UBE2E3: variants seen among roughly 807,000 people sequenced by gnomAD.
The protein encoded by UBE2E3 is ubiquitin-conjugating enzyme E2 E3.
A neutral mutation model predicts 23.6 loss-of-function variants in UBE2E3; 5 were observed. That is an observed-to-expected ratio of 0.21 (90% CI 0.11 to 0.44). UBE2E3 has a LOEUF of 0.44. Among genes scored for constraint, UBE2E3 ranks in the 20% least tolerant of loss-of-function variants. The probability of loss-of-function intolerance (pLI) is 0.99; values close to 1 mark genes in which losing one functional copy is unlikely to be tolerated. For missense variants in UBE2E3, 81 were observed against 249.8 expected (o/e 0.32, Z 4.55); for synonymous variants, 78 against 87.5 (o/e 0.89, Z 0.60).
intron 3 of UBE2E3, among the ~76,000 whole-genome samples, chr2:181,029,419 CAT>C (rs1367785138): frequency 2.0e-5 from 3 of 152,058 alleles, no homozygotes; most frequent in Non-Finnish European, 4.4e-5. Context: ...TTTTCATAAA[CAT>C]ACTGTATCAC....
At chr2:181,023,856 C>T (rs1471635479) in intron 3 of UBE2E3, among the ~76,000 whole-genome samples, 1 of 152,024 alleles carries the variant, frequency 6.6e-6, no homozygotes, top group East Asian at 1.9e-4. Flanking sequence ...AAACTGGTGC[C>T]CTCCACGTAA....
At chr2:181,014,712 A>G (rs889000803) in intron 3 of UBE2E3, among the ~76,000 whole-genome samples, 2 of 152,226 alleles carry the variant, frequency 1.3e-5, no homozygotes, top group East Asian at 3.9e-4. Context: ...CTGTTTTATT[A>G]TTTTTTAAAT....
intron 3 of UBE2E3, among the ~76,000 whole-genome samples, chr2:180,989,446 C>T (rs1254071156): frequency 6.6e-6 from 1 of 152,034 alleles, no homozygotes; most frequent in Non-Finnish European, 1.5e-5. Context: ...TATTAAATAT[C>T]CTATACATTC....
At chr2:181,057,896 A>G in intron 4 of UBE2E3, 71 bp downstream of exon 4, 3 of 1,423,494 alleles carry the variant, frequency 2.1e-6, no homozygotes, top group East Asian at 2.3e-5. Context: ...TAGAACTTAA[A>G]TGTGTATTGA....
At chr2:181,009,683 T>C (rs1219576322) in intron 3 of UBE2E3, among the ~76,000 whole-genome samples, 1 of 152,124 alleles carries the variant, frequency 6.6e-6, no homozygotes, top group Non-Finnish European at 1.5e-5. Context: ...ATTTTAGTGT[T>C]TGTTTTTCTA....
At chr2:180,981,837 C>T (rs546948609) in intron 1 of UBE2E3, among the ~76,000 whole-genome samples, 181 bp from the exon 2 acceptor site, 1 of 152,106 alleles carries the variant, frequency 6.6e-6, no homozygotes, top group South Asian at 2.1e-4. Flanking sequence ...AATCCCTTAA[C>T]GCTGGCGTTG....
chr2:181,021,582 C>CCCTT (rs1276580326), intron 3 of UBE2E3, among the ~76,000 whole-genome samples: 2 of 58,274 alleles, frequency 3.4e-5, no homozygotes, highest in African/African-American at 6.6e-5. Context: ...CTCCCTCCCT[C>CCCTT]CCTTCCTTCC....
intron 3 of UBE2E3, among the ~76,000 whole-genome samples, chr2:181,011,035 A>G (rs993957417): frequency 1.3e-5 from 2 of 151,890 alleles, no homozygotes; most frequent in Non-Finnish European, 1.5e-5. Context: ...TAAGCCCTTC[A>G]CTTAATAAAA....
At position 181,021,368 on chromosome 2, in the gene UBE2E3, GTTTTC is replaced by G. The variant is rs1190505380; in HGVS notation, c.246-36315_246-36311del. Among the ~76,000 whole-genome samples, 5 of 133,302 alleles carry G rather than the reference GTTTTC, an allele frequency of 3.8e-5. No homozygotes were observed. The South Asian group carries it at 9.7e-4, about 26-fold the overall frequency. 87.5% of individuals were successfully genotyped at this position (133,302 alleles called of 152,430 possible). Reference sequence around the variant, plus strand: ...TCTTCTTTTCTCTTCTTTTTTTTTTGTTTTCTTTTCTTTTTTTCCTCTTTTCTCTT... The same window carrying G: ...TCTTCTTTTCTCTTCTTTTTTTTTTGTTTTCTTTTTTTCCTCTTTTCTCTT... On this transcript the variant is annotated intron_variant, in intron 3 of 5. Transcript: ENST00000410062.
intron 3 of UBE2E3, among the ~76,000 whole-genome samples, chr2:181,014,426 TA>T (rs1239064621): frequency 1.3e-5 from 2 of 152,108 alleles, no homozygotes; most frequent in East Asian, 3.8e-4. Context: ...TAGGTGAGTG[TA>T]AACGGAGAGG....
At chr2:181,049,887 A>G (rs1248500674) in intron 3 of UBE2E3, among the ~76,000 whole-genome samples, 1 of 151,990 alleles carries the variant, frequency 6.6e-6, no homozygotes, top group Non-Finnish European at 1.5e-5. Flanking sequence ...AGACTATGAA[A>G]TACTACTACT....
chr2:181,062,630 T>G (rs997376857), intron 5 of UBE2E3, among the ~76,000 whole-genome samples, 161 bp from the exon 6 acceptor site: 2 of 151,730 alleles, frequency 1.3e-5, no homozygotes, highest in Middle Eastern at 3.4e-3. Context: ...TATTAAAATA[T>G]ACATATGATC....
chr2:181,018,430 A>G (rs988731712), intron 3 of UBE2E3, among the ~76,000 whole-genome samples: 42 of 151,954 alleles, frequency 2.8e-4, no homozygotes, highest in African/African-American at 9.9e-4. Flanking sequence ...ATACATATAT[A>G]TTTGGCCTAG....
intron 3 of UBE2E3, among the ~76,000 whole-genome samples, chr2:181,005,866 C>G (rs1212211482): frequency 1.3e-5 from 2 of 152,182 alleles, no homozygotes; most frequent in Non-Finnish European, 2.9e-5. Context: ...TTTCAAATGG[C>G]TTTACCAAAC....
At position 181,062,817 on chromosome 2, in the gene UBE2E3, A is replaced by G; in HGVS notation, c.553A>G (p.Thr185Ala). Residue 185 changes from threonine to alanine, a missense_variant, in exon 6 of 6, where the codon ACT (threonine) becomes GCT (alanine). Thr to Ala is a moderately conservative substitution (Grantham distance 58). Coordinates refer to ENST00000410062, the MANE Select transcript of UBE2E3 (RefSeq NM_006357.4). ...GGATCCTCTGGTTGGAAGCATAGCC[A>G]CTCAGTATTTGACCAACAGAGCAGA... ...PADPLVGSIA[T>A]QYLTNRAEHD... 4.4e-6 allele frequency: 7 copies of G among 1,606,208 alleles called. No individual in the cohort carries two copies. The highest frequency in any genetic ancestry group is 6.0e-6 in the Non-Finnish European group (7 of 1,175,224).
intron 3 of UBE2E3, among the ~76,000 whole-genome samples, chr2:181,027,051 T>G (rs1685915236): frequency 6.6e-6 from 1 of 151,952 alleles, no homozygotes; most frequent in Non-Finnish European, 1.5e-5. Flanking sequence ...GTATCTTAAC[T>G]TTATTCTAAC....
At chr2:181,017,131 T>C (rs1329312083) in intron 3 of UBE2E3, among the ~76,000 whole-genome samples, 1 of 152,220 alleles carries the variant, frequency 6.6e-6, no homozygotes, top group African/African-American at 2.4e-5. Context: ...TAGAAGGGCC[T>C]GAGACTGATA....
intron 3 of UBE2E3, among the ~76,000 whole-genome samples, chr2:181,055,772 T>G (rs1686971904): frequency 6.6e-6 from 1 of 151,748 alleles, no homozygotes; most frequent in Non-Finnish European, 1.5e-5. Flanking sequence ...ACTAAGAATT[T>G]GGTGTGGGAA....
intron 3 of UBE2E3, among the ~76,000 whole-genome samples, chr2:181,030,142 T>C (rs1686030546): frequency 6.6e-6 from 1 of 152,046 alleles, no homozygotes; most frequent in South Asian, 2.1e-4. Context: ...CCTCTATTTT[T>C]CCATGAAAGT....
Sources: gnomAD v4.1 joint callset for allele counts (sites outside exome capture counted in the v4.1 genomes callset) on GRCh38, gnomAD v4.1.1 for gene constraint, MANE v1.5 for transcripts, NCBI Gene and HGNC (gene_info 2026-07-23, HGNC 2026-07-21) for gene names.